Variants in PKHD1L1 observed in about 807,000 individuals in gnomAD.
PKHD1L1 encodes PKHD1 like 1, also known as fibrocystin-L.
Under a neutral mutation model 462.9 loss-of-function variants are expected in PKHD1L1, and 434 were observed. The observed-to-expected ratio is 0.94, with a 90% CI of 0.87 to 1.02. PKHD1L1 has a LOEUF of 1.02. PKHD1L1 is among the 50% of genes least tolerant of loss of function. The pLI is 0.00. For synonymous variants in PKHD1L1, 1,781 were observed against 1,750.0 expected (o/e 1.02, Z -0.44); for missense variants, 5,202 against 5,096.1 (o/e 1.02, Z -0.63).
intron 5 of PKHD1L1, among the ~76,000 whole-genome samples, chr8:109,384,551 T>C (rs974353460): frequency 2.0e-5 from 3 of 152,016 alleles, no homozygotes; most frequent in African/African-American, 7.2e-5. Flanking sequence ...AAAGTACCAA[T>C]ATTTTAAAAA....
chr8:109,526,803 A>C lies in PKHD1L1; in HGVS notation c.12504A>C (p.Glu4168Asp), dbSNP rs2131046287. 2.6e-6 allele frequency: 4 copies of C among 1,553,452 alleles called. 1 individual carries two copies. Among genetic ancestry groups the C allele is most frequent in the African/African-American group, 1.4e-5 (1 of 73,208 alleles). Residue 4168 changes from glutamate to aspartate, a missense_variant, in exon 77 of 78, where the codon GAA (glutamate) becomes GAC (aspartate). Around this residue, in one of 3 missense-constraint regions of PKHD1L1, gnomAD observed 698 missense variants for 736.3 expected, o/e 0.95. Coordinates refer to ENST00000378402, the MANE Select transcript of PKHD1L1 (RefSeq NM_177531.6). Reference sequence around the variant, plus strand: ...TTCCAGGAAAAAATTATAAGATTGAATTTATACTGGATAATGTTGTTGGGG... The same window carrying C: ...TTCCAGGAAAAAATTATAAGATTGACTTTATACTGGATAATGTTGTTGGGG... ...PLRTGKNYKI[E>D]FILDNVVGVE...
chr8:109,514,641 GC>G, intron 71 of PKHD1L1, among the ~76,000 whole-genome samples: 1 of 152,202 alleles, frequency 6.6e-6, no homozygotes, highest in East Asian at 1.9e-4. Flanking sequence ...TCTTGGAAAA[GC>G]CAGTCTCTTT....
Position 109,374,415 on chromosome 8 carries a change from C to T in PKHD1L1, c.164-6955C>T, listed in dbSNP as rs537620146. 7.9e-5 allele frequency among the ~76,000 whole-genome samples: 12 copies of T among 152,266 alleles called. No homozygotes were observed. The South Asian group carries it at 1.7e-3, about 21-fold the overall frequency. On this transcript the variant is annotated intron_variant, in intron 2 of 77. Coordinates refer to ENST00000378402, the MANE Select transcript of PKHD1L1 (RefSeq NM_177531.6). ...GTGTCTCTGCACATGAGATGGGTTT[C>T]CTGAATACAGCACACTGATGGGTCT...
intron 21 of PKHD1L1, among the ~76,000 whole-genome samples, chr8:109,414,608 G>A (rs1250452138): frequency 6.6e-6 from 1 of 151,798 alleles, no homozygotes; most frequent in Non-Finnish European, 1.5e-5. Context: ...TATAAGATAT[G>A]GAGAGCATTA....
At chr8:109,409,195 G>T (rs1352644306) in intron 18 of PKHD1L1, among the ~76,000 whole-genome samples, 1 of 151,972 alleles carries the variant, frequency 6.6e-6, no homozygotes, top group Non-Finnish European at 1.5e-5. Flanking sequence ...TGCATAATCT[G>T]CAATAATTTA....
At chr8:109,453,951 A>T (rs1394844605) in intron 43 of PKHD1L1, among the ~76,000 whole-genome samples, 1 of 152,190 alleles carries the variant, frequency 6.6e-6, no homozygotes, top group Non-Finnish European at 1.5e-5. Flanking sequence ...GATTTTCTGT[A>T]AACTCCCATG....
At chr8:109,516,341 G>C (rs745618418) in intron 72 of PKHD1L1, among the ~76,000 whole-genome samples, 8 of 152,056 alleles carry the variant, frequency 5.3e-5, no homozygotes, top group Non-Finnish European at 1.0e-4. Context: ...TCTGCTGAGG[G>C]TTCTTTGCTC....
chr8:109,438,560 T>A, intron 31 of PKHD1L1, 104 bp downstream of exon 31: 1 of 1,071,360 alleles, frequency 9.3e-7, no homozygotes, highest in Non-Finnish European at 1.3e-6. Flanking sequence ...TTTCTTAAAG[T>A]GAAACCAGTT....
intron 72 of PKHD1L1, among the ~76,000 whole-genome samples, 186 bp from the exon 73 acceptor site, chr8:109,517,981 G>A (rs998272054): frequency 3.9e-5 from 6 of 152,066 alleles, no homozygotes; most frequent in African/African-American, 7.2e-5. Flanking sequence ...TTTTAAAGGA[G>A]TGGCTTTAAT....
chr8:109,493,236 T>C (rs192268313), intron 62 of PKHD1L1, among the ~76,000 whole-genome samples: 5 of 148,312 alleles, frequency 3.4e-5, no homozygotes, highest in Non-Finnish European at 7.5e-5. Flanking sequence ...TATATATTTA[T>C]ATTAAACATA....
In PKHD1L1 at chr8:109,464,546, C is replaced by T. The variant is rs181520404; in HGVS notation, c.7714C>T (p.Arg2572Ter). 70 of 1,613,440 alleles carry T rather than the reference C, an allele frequency of 4.3e-5. No individual in the cohort carries two copies. The highest frequency in any genetic ancestry group is 6.7e-5 in the Admixed American group (4 of 59,942). Reference protein sequence around the residue: ...FWVTNPNNTIRHNAVAGGTHF... With the variant: ...FWVTNPNNTI ...GGTCACCAACCCGAACAATACCATA[C>T]GACACAATGCTGTTGCTGGTGGCAC... Residue 2572 changes from arginine to a stop codon, truncating the protein, a stop_gained, in exon 49 of 78, where the codon CGA (arginine) becomes TGA (stop). Transcript: ENST00000378402. LOFTEE classifies it high-confidence loss of function.
At chr8:109,381,011 C>T (rs1226053607) in intron 2 of PKHD1L1, among the ~76,000 whole-genome samples, 4 of 152,090 alleles carry the variant, frequency 2.6e-5, no homozygotes, top group Admixed American at 6.6e-5. Context: ...TAACCAACTG[C>T]GAATGGGAAA....
intron 23 of PKHD1L1, 30 bp downstream of exon 23, chr8:109,420,720 T>C: frequency 6.9e-7 from 1 of 1,449,924 alleles, no homozygotes; most frequent in Non-Finnish European, 9.2e-7. Context: ...TTAATTTTTA[T>C]GTAGTGAATT....
At position 109,475,283 on chromosome 8, in the gene PKHD1L1, T is replaced by A. The variant is rs12549027; in HGVS notation, c.8757+14T>A. 80,041 of 1,570,096 alleles carry A rather than the reference T, an allele frequency of 0.051. 3,437 individuals carry two copies. The highest frequency in any genetic ancestry group is 0.22 in the Admixed American group (12,884 of 57,576). On this transcript the variant is annotated intron_variant, in intron 51 of 77. Coordinates refer to ENST00000378402, the MANE Select transcript of PKHD1L1 (RefSeq NM_177531.6). ...TATGGATTCAAGGTAAAAATATTTA[T>A]CTTCTAATGATTATAATTGTGTATT... is the stretch of plus-strand genomic sequence containing the variant.
chr8:109,517,844 A>G (rs1209371784), intron 72 of PKHD1L1, among the ~76,000 whole-genome samples: 1 of 152,120 alleles, frequency 6.6e-6, no homozygotes, highest in Non-Finnish European at 1.5e-5. Flanking sequence ...AATTATGAGC[A>G]TGTGAATAGG....
chr8:109,453,554 T>C (rs1816657784), intron 43 of PKHD1L1, among the ~76,000 whole-genome samples: 1 of 152,222 alleles, frequency 6.6e-6, no homozygotes, highest in Admixed American at 6.5e-5. Context: ...TCCTGCATTG[T>C]TATTTACTAT....
At chr8:109,513,058 CTT>C (rs1563627779) in intron 71 of PKHD1L1, among the ~76,000 whole-genome samples, 1 of 151,450 alleles carries the variant, frequency 6.6e-6, no homozygotes, top group East Asian at 1.9e-4. Context: ...TATCCTGAGA[CTT>C]TGCTGAAGTT....
chr8:109,475,570 C>A (rs1563586300), intron 51 of PKHD1L1, among the ~76,000 whole-genome samples: 1 of 151,934 alleles, frequency 6.6e-6, no homozygotes, highest in South Asian at 2.1e-4. Flanking sequence ...TCTCAGGGAC[C>A]AGCAGTTAAG....
chr8:109,422,098 T>A (rs1367070091), intron 23 of PKHD1L1, among the ~76,000 whole-genome samples: 1 of 152,264 alleles, frequency 6.6e-6, no homozygotes, highest in Non-Finnish European at 1.5e-5. Flanking sequence ...AGCACAGAAC[T>A]ATTTTTATAT....
Sources: allele counts gnomAD v4.1 joint callset (sites outside exome capture counted in the v4.1 genomes callset), GRCh38; gene constraint gnomAD v4.1.1; regional missense constraint gnomAD v4.1.1; transcripts MANE v1.5; gene names NCBI Gene and HGNC (gene_info 2026-07-23, HGNC 2026-07-21).